The following GNB1 variants were observed in gnomAD, a reference collection of about 807,000 sequenced individuals.
GNB1 encodes the protein G protein subunit beta 1.
A neutral mutation model predicts 42.9 loss-of-function variants in GNB1; 2 were observed. The observed-to-expected ratio is 0.05, with a 90% CI of 0.02 to 0.15. The LOEUF (loss-of-function observed/expected upper bound fraction) is 0.15, where lower values mean the gene tolerates loss of function less well. Among genes scored for constraint, GNB1 ranks in the 10% least tolerant of loss-of-function variants. GNB1 has a pLI of 1.00. For missense variants in GNB1, 193 were observed against 462.2 expected, an observed-to-expected ratio of 0.42 and a Z score of 5.34; for synonymous variants, 183 against 174.7, an observed-to-expected ratio of 1.05 and a Z score of -0.38.
At chr1:1,798,618 A>G (rs1451818328) in intron 7 of GNB1, among the ~76,000 whole-genome samples, 1 of 152,240 alleles carries the variant, frequency 6.6e-6, no homozygotes, top group East Asian at 1.9e-4. Context: ...CAAAGAACAA[A>G]GCTCTAAGAG....
At chr1:1,853,261 T>C (rs1023653833) in intron 1 of GNB1, among the ~76,000 whole-genome samples, 1 of 152,206 alleles carries the variant, frequency 6.6e-6, no homozygotes, top group African/African-American at 2.4e-5. Flanking sequence ...AGCTCTGACA[T>C]GCGACTCCTC....
At chr1:1,867,631 C>CTT (rs1462000942) in intron 1 of GNB1, among the ~76,000 whole-genome samples, 1 of 152,140 alleles carries the variant, frequency 6.6e-6, no homozygotes, top group African/African-American at 2.4e-5. Flanking sequence ...TTTAGAAATG[C>CTT]TTTTATACTA....
chr1:1,852,203 C>A (rs1465802747), intron 1 of GNB1, among the ~76,000 whole-genome samples: 2 of 151,374 alleles, frequency 1.3e-5, no homozygotes, highest in Non-Finnish European at 2.9e-5. Flanking sequence ...AGTTTCAGAC[C>A]AGCCTAGGCA....
Position 1,790,110 on chromosome 1 carries a change from G to A in GNB1, c.699+285C>T, listed in dbSNP as rs141890829. 6.6e-6 allele frequency among the ~76,000 whole-genome samples: 1 copy of A among 152,148 alleles called. No homozygotes were observed. The highest frequency in any genetic ancestry group is 1.5e-5 in the Non-Finnish European group (1 of 68,040). The stretch of plus-strand genomic sequence containing the variant: ...GACCAGTAAGGCTCTGTAACCACTG[G>A]TGGCCTGAGTTATCTTACTGTCTTT... On this transcript the variant is annotated intron_variant, in intron 9 of 11. Transcript: ENST00000378609. The surrounding 1 kb of genome is among the most constrained non-coding windows in gnomAD (Gnocchi z 5.4).
intron 3 of GNB1, among the ~76,000 whole-genome samples, chr1:1,820,484 C>A (rs956148789): frequency 8.6e-5 from 13 of 150,324 alleles, no homozygotes; most frequent in South Asian, 6.3e-4. Flanking sequence ...AAGACACACA[C>A]AAAAAAATCG....
At chr1:1,826,993 C>T (rs1647008151) in intron 2 of GNB1, among the ~76,000 whole-genome samples, 1 of 152,158 alleles carries the variant, frequency 6.6e-6, no homozygotes, top group Non-Finnish European at 1.5e-5. Flanking sequence ...GCAAGTACGG[C>T]TTATGCAAGC....
chr1:1,842,089 C>T (rs1193781486), intron 1 of GNB1, among the ~76,000 whole-genome samples: 1 of 152,184 alleles, frequency 6.6e-6, no homozygotes, highest in South Asian at 2.1e-4. Context: ...GGGTGGATCA[C>T]CTGAGGTCAG....
chr1:1,885,180 AG>A (rs1218029160), intron 1 of GNB1, among the ~76,000 whole-genome samples: 1 of 151,588 alleles, frequency 6.6e-6, no homozygotes. Flanking sequence ...TGGGAGGCGG[AG>A]GCGGGCGGAT....
At chr1:1,870,940 A>G (rs952819128) in intron 1 of GNB1, among the ~76,000 whole-genome samples, 7 of 152,074 alleles carry the variant, frequency 4.6e-5, no homozygotes, top group African/African-American at 1.7e-4. Context: ...AAAATAAACA[A>G]TAAAATAAAA....
At chr1:1,829,098 C>T (rs2101033222) in intron 2 of GNB1, among the ~76,000 whole-genome samples, 1 of 152,206 alleles carries the variant, frequency 6.6e-6, no homozygotes, top group South Asian at 2.1e-4. Context: ...CTCTTATCGC[C>T]CAGGCTGCAG....
chr1:1,829,683 G>C (rs1217074731), intron 2 of GNB1, among the ~76,000 whole-genome samples: 1 of 152,128 alleles, frequency 6.6e-6, no homozygotes, highest in Admixed American at 6.5e-5. Flanking sequence ...AGTGTACAAA[G>C]CATGATGCTT....
intron 1 of GNB1, among the ~76,000 whole-genome samples, chr1:1,889,402 TAA>T (rs1239469905): frequency 1.3e-5 from 2 of 152,228 alleles, no homozygotes; most frequent in African/African-American, 4.8e-5. Context: ...TATTTACCCA[TAA>T]GTCCAGTACT....
intron 1 of GNB1, among the ~76,000 whole-genome samples, chr1:1,884,369 G>A (rs1224965349): frequency 6.6e-6 from 1 of 151,974 alleles, no homozygotes; most frequent in East Asian, 1.9e-4. Flanking sequence ...GAGCCACCGC[G>A]TCTGGGCTAA....
At chr1:1,834,001 C>T (rs769988542) in intron 2 of GNB1, among the ~76,000 whole-genome samples, 3 of 152,062 alleles carry the variant, frequency 2.0e-5, no homozygotes, top group African/African-American at 4.8e-5. Flanking sequence ...CCAGGCAGGT[C>T]GGTTAGTCTG....
At chr1:1,860,058 A>T (rs1648536459) in intron 1 of GNB1, among the ~76,000 whole-genome samples, 1 of 149,486 alleles carries the variant, frequency 6.7e-6, no homozygotes, top group Admixed American at 6.7e-5. Context: ...AAGTATAATA[A>T]AAAAAAAGTA....
chr1:1,875,846 C>T (rs558591260), intron 1 of GNB1, among the ~76,000 whole-genome samples: 1 of 152,048 alleles, frequency 6.6e-6, no homozygotes, highest in Admixed American at 6.6e-5. Flanking sequence ...GTCCCCCCCC[C>T]CAAAATTCAT....
chr1:1,850,693 A>T (rs1281564028), intron 1 of GNB1, among the ~76,000 whole-genome samples: 1 of 152,124 alleles, frequency 6.6e-6, no homozygotes, highest in Non-Finnish European at 1.5e-5. Flanking sequence ...CATCCATCAC[A>T]GTCATTTAAA....
rs181361003 is a variant in GNB1 at position 1,790,042 on chromosome 1, C to T, written c.699+353G>A. Among the ~76,000 whole-genome samples the T allele has an allele frequency of 1.1e-3, 171 of 152,300 alleles. 1 individual carries two copies. The highest frequency in any genetic ancestry group is 1.8e-3 in the Non-Finnish European group (124 of 68,024). The stretch of plus-strand genomic sequence containing the variant: ...GCTGGAAACACTGCCTAGCCATCCG[C>T]GTGCTAAAGAGGAGGGCAGGTTCCC... On this transcript the variant is annotated intron_variant, in intron 9 of 11. Transcript: ENST00000378609. The surrounding 1 kb of genome is among the most constrained non-coding windows in gnomAD (Gnocchi z 5.4).
rs561087336 is a variant in GNB1, at chr1:1,852,590, G to C, written c.-95-13352C>G. 1.5e-4 allele frequency among the ~76,000 whole-genome samples: 23 copies of C among 151,816 alleles called. No homozygotes were observed. The South Asian group carries it at 4.6e-3, about 30-fold the overall frequency. The stretch of plus-strand genomic sequence containing the variant: ...CATACCTGTAGTCCTAGCTACTCCA[G>C]AGGCTAAGACAGGAGGACTGGTTGA... On this transcript the variant is annotated intron_variant, in intron 1 of 11. Transcript: ENST00000378609.
Sources: allele counts gnomAD v4.1 joint callset (sites outside exome capture counted in the v4.1 genomes callset), GRCh38; gene constraint gnomAD v4.1.1; non-coding constraint Gnocchi (gnomAD v3.1); transcripts MANE v1.5; gene names NCBI Gene and HGNC (gene_info 2026-07-23, HGNC 2026-07-21).